Variants in KATNAL2 observed in about 807,000 individuals in gnomAD.
KATNAL2 encodes the protein katanin catalytic subunit A1 like 2.
KATNAL2 carries 52 observed loss-of-function variants against 76.3 expected under a neutral mutation model. That is an observed-to-expected ratio of 0.68 (90% CI 0.55 to 0.86). KATNAL2 has a LOEUF of 0.86. KATNAL2 is among the 40% of genes least tolerant of loss of function. The probability of loss-of-function intolerance (pLI) is 0.00; values close to 1 mark genes in which losing one functional copy is unlikely to be tolerated. For missense variants in KATNAL2, 660 were observed against 668.9 expected, an observed-to-expected ratio of 0.99 and a Z score of 0.15; for synonymous variants, 243 against 244.2, an observed-to-expected ratio of 1.00 and a Z score of 0.05.
At position 47,101,266 on chromosome 18, in the gene KATNAL2, T is replaced by C. The variant is rs2063434606; in HGVS notation, c.*261T>C. On this transcript the variant is annotated 3_prime_UTR_variant, in exon 18 of 18. Coordinates refer to ENST00000683218, the MANE Select transcript of KATNAL2 (RefSeq NM_001387690.1). ...ATACAATGGAGATTTTTCTGACAAT[T>C]AGACTCCATAAAATTTTAATGAACA... 6.0e-6 allele frequency: 2 copies of C among 335,212 alleles called. No homozygotes were observed. Among genetic ancestry groups the C allele is most frequent in the Non-Finnish European group, 1.1e-5 (2 of 178,962 alleles). The allele number at this position is 335,212 out of a possible 1,614,324, so 20.8% of individuals were successfully genotyped here. A position where few individuals can be genotyped will look rare whatever the true frequency, so the allele number is the denominator to read the frequency against.
intron 4 of KATNAL2, among the ~76,000 whole-genome samples, chr18:47,050,625 A>T (rs2061313393): frequency 6.6e-6 from 1 of 152,194 alleles, no homozygotes; most frequent in African/African-American, 2.4e-5. Flanking sequence ...AGAACTGATC[A>T]TTTTCCGAAA....
intron 3 of KATNAL2, among the ~76,000 whole-genome samples, chr18:47,036,179 G>A (rs2060766936): frequency 6.6e-6 from 1 of 152,196 alleles, no homozygotes; most frequent in Non-Finnish European, 1.5e-5. Flanking sequence ...AAGTCAGCAG[G>A]TTCCACATCA....
At position 46,941,504 on chromosome 18, in the gene KATNAL2, G is replaced by T. The variant is rs556986524; in HGVS notation, c.-509-4553G>T. Among the ~76,000 whole-genome samples the T allele has an allele frequency of 3.4e-3, 523 of 152,134 alleles. 1 individual carries two copies. The highest frequency in any genetic ancestry group is 0.01 in the Middle Eastern group (3 of 292). On this transcript the variant is annotated intron_variant, in intron 1 of 17. Transcript: ENST00000683218. ...ATGTGCCTTGGAGGTGGGGAGGGGTGGGGAGGAAAAGCAAAAAATAAAAAT... is the reference window on the plus strand; with the variant it reads ...ATGTGCCTTGGAGGTGGGGAGGGGTTGGGAGGAAAAGCAAAAAATAAAAAT...
chr18:47,041,054 A>T (rs1262944678), intron 3 of KATNAL2, among the ~76,000 whole-genome samples: 2 of 152,180 alleles, frequency 1.3e-5, no homozygotes, highest in Non-Finnish European at 2.9e-5. Flanking sequence ...TAAAAAATAG[A>T]ATTTATTTTT....
intron 15 of KATNAL2, among the ~76,000 whole-genome samples, chr18:47,086,649 T>A (rs1189610500): frequency 1.3e-5 from 2 of 152,256 alleles, no homozygotes; most frequent in African/African-American, 4.8e-5. Flanking sequence ...TTGTGCCTAC[T>A]AGTGGTCAAA....
chr18:46,965,985 AGTGTGTGTGTGTGTGTGTGTGTGTGT>A (rs34256789), intron 3 of KATNAL2, among the ~76,000 whole-genome samples: 1 of 119,398 alleles, frequency 8.4e-6, no homozygotes, highest in Non-Finnish European at 1.8e-5. Context: ...TCTCTCTCTC[AGTGTGTGTGTGTGTGTGTGTGTGTGT>A]GTGTGTGTGT....
intron 4 of KATNAL2, among the ~76,000 whole-genome samples, chr18:47,047,483 G>A (rs2571030): frequency 0.46 from 69,543 of 151,900 alleles, 15,868 homozygotes; most frequent in Admixed American, 0.54. Flanking sequence ...TCCTCGCAAT[G>A]CCCATTCTAT....
chr18:47,088,046 C>CT (rs1241129140), intron 15 of KATNAL2, among the ~76,000 whole-genome samples: 4 of 152,166 alleles, frequency 2.6e-5, no homozygotes, highest in African/African-American at 9.7e-5. Context: ...CACGGACACT[C>CT]TAAGGTCGGG....
chr18:47,074,572 A>C (rs2062126131), intron 13 of KATNAL2, among the ~76,000 whole-genome samples: 1 of 152,248 alleles, frequency 6.6e-6, no homozygotes, highest in African/African-American at 2.4e-5. Context: ...TCTATTAATC[A>C]CCACCACATC....
At chr18:47,074,931 C>T (rs1159786625) in intron 13 of KATNAL2, among the ~76,000 whole-genome samples, 1 of 152,168 alleles carries the variant, frequency 6.6e-6, no homozygotes, top group Admixed American at 6.5e-5. Flanking sequence ...CTCTTGTGTC[C>T]ATATGGAACA....
Position 46,960,379 on chromosome 18 carries a change from G to A in KATNAL2, c.51+13456G>A, listed in dbSNP as rs1275794502. On this transcript the variant is annotated intron_variant, in intron 3 of 17. Transcript: ENST00000683218. ...GGGTGGGTGGAGGTTATAGTGAACC[G>A]AGATTGCTCCATTGCACTCCAGCCT... Among the ~76,000 whole-genome samples the A allele has an allele frequency of 5.3e-5, 8 of 150,976 alleles. No individual in the cohort carries two copies. The South Asian group carries it at 1.7e-3, about 31-fold the overall frequency.
chr18:46,967,502 T>TGTGTGC (rs1555839412), intron 3 of KATNAL2, among the ~76,000 whole-genome samples: 1 of 102,012 alleles, frequency 9.8e-6, no homozygotes, highest in African/African-American at 3.7e-5. Flanking sequence ...TGTGTGTGTG[T>TGTGTGC]GCGCGCGCGC....
At position 46,917,752 on chromosome 18, in the gene KATNAL2, G is replaced by T; in HGVS notation, c.-684G>T. 5.3e-6 allele frequency: 1 copy of T among 187,048 alleles called. No homozygotes were observed. The highest frequency in any genetic ancestry group is 1.0e-5 in the Non-Finnish European group (1 of 99,620). 11.6% of individuals were successfully genotyped at this position (187,048 alleles called of 1,614,324 possible). A position where few individuals can be genotyped will look rare whatever the true frequency, so the allele number is the denominator to read the frequency against. Reference sequence around the variant, plus strand: ...GTCGCAACTGAGGCGTTATCCGCGGGCCTGGCCTCGGGAAGTGGCGGGGAG... The same window carrying T: ...GTCGCAACTGAGGCGTTATCCGCGGTCCTGGCCTCGGGAAGTGGCGGGGAG... On this transcript the variant is annotated 5_prime_UTR_variant, in exon 1 of 18. Transcript: ENST00000683218.
chr18:46,941,648 G>A (rs2059249577), intron 1 of KATNAL2, among the ~76,000 whole-genome samples: 1 of 151,988 alleles, frequency 6.6e-6, no homozygotes, highest in Admixed American at 6.6e-5. Flanking sequence ...GAGTAGTTGG[G>A]ACTATAGGTG....
At chr18:47,038,956 G>C (rs1425495664) in intron 3 of KATNAL2, among the ~76,000 whole-genome samples, 3 of 152,164 alleles carry the variant, frequency 2.0e-5, no homozygotes, top group African/African-American at 7.2e-5. Flanking sequence ...ATAGAGCAAG[G>C]CTGGGTAGTA....
At chr18:46,958,611 A>C (rs572907114) in intron 3 of KATNAL2, among the ~76,000 whole-genome samples, 3 of 152,338 alleles carry the variant, frequency 2.0e-5, no homozygotes, top group African/African-American at 7.2e-5. Context: ...AAGATATGAA[A>C]TAGAGATTTT....
chr18:46,942,863 A>T (rs898851864), intron 1 of KATNAL2, among the ~76,000 whole-genome samples: 1 of 150,042 alleles, frequency 6.7e-6, no homozygotes, highest in African/African-American at 2.5e-5. Context: ...TTTTGGTTGG[A>T]TGTTGGATAT....
intron 1 of KATNAL2, among the ~76,000 whole-genome samples, chr18:46,923,677 T>G (rs1374432067): frequency 6.6e-6 from 1 of 152,208 alleles, no homozygotes; most frequent in African/African-American, 2.4e-5. Context: ...TTGAACTAGT[T>G]TACAGTCCCA....
intron 1 of KATNAL2, among the ~76,000 whole-genome samples, chr18:46,938,849 C>T (rs749115928): frequency 1.3e-5 from 2 of 152,036 alleles, no homozygotes; most frequent in Non-Finnish European, 1.5e-5. Flanking sequence ...CATTATCTAT[C>T]CTCTCAAACT....
Sources: allele counts gnomAD v4.1 joint callset (sites outside exome capture counted in the v4.1 genomes callset), GRCh38; gene constraint gnomAD v4.1.1; transcripts MANE v1.5; gene names NCBI Gene and HGNC (gene_info 2026-07-23, HGNC 2026-07-21).